PRKCH: variants seen among roughly 807,000 people sequenced by gnomAD.
The protein encoded by PRKCH is protein kinase C eta type.
In PRKCH, 28 loss-of-function variants were observed where a neutral mutation model predicts 82.5. That is an observed-to-expected ratio of 0.34 (90% CI 0.25 to 0.47). The LOEUF is 0.47. Ranked by LOEUF, PRKCH falls within the 20% of genes least tolerant of loss-of-function variation. The pLI is 1.00. For missense variants in PRKCH, 705 were observed against 881.8 expected, an observed-to-expected ratio of 0.80 and a Z score of 2.54; for synonymous variants, 322 against 327.4, an observed-to-expected ratio of 0.98 and a Z score of 0.18.
intron 2 of PRKCH, among the ~76,000 whole-genome samples, chr14:61,421,992 G>A (rs559767428): frequency 3.9e-5 from 6 of 152,324 alleles, no homozygotes; most frequent in Admixed American, 3.3e-4. Context: ...AGGGATGGAT[G>A]AGTGATAAGG....
At chr14:61,416,690 TC>T (rs1318520705) in intron 2 of PRKCH, among the ~76,000 whole-genome samples, 2 of 151,662 alleles carry the variant, frequency 1.3e-5, no homozygotes, top group African/African-American at 4.9e-5. Flanking sequence ...CCTGTCCCTT[TC>T]CCCCTCCCCC....
chr14:61,428,112 C>CACATAT lies in PRKCH; in HGVS notation c.428-14998_428-14997insCATATA, dbSNP rs1391102641. Reference sequence around the variant, plus strand: ...ACACACACACATATATATATACACACATATATATATATATATATATGTATC... The same window carrying CACATAT: ...ACACACACACATATATATATACACACACATATATATATATATATATATATATGTATC... On this transcript the variant is annotated intron_variant, in intron 2 of 13. Transcript: ENST00000332981. 6.2e-5 allele frequency among the ~76,000 whole-genome samples: 9 copies of CACATAT among 145,522 alleles called. 1 individual carries two copies. Among genetic ancestry groups the CACATAT allele is most frequent in the East Asian group, 6.1e-4 (3 of 4,908 alleles).
chr14:61,321,391 C>G (rs1316526868), upstream of PRKCH, among the ~76,000 whole-genome samples: 2 of 152,236 alleles, frequency 1.3e-5, no homozygotes, highest in Non-Finnish European at 2.9e-5. The surrounding 1 kb of genome is among the most constrained non-coding windows in gnomAD (Gnocchi z 4.1). Context: ...TTGGCCTGCG[C>G]CCGGGGTGGC....
At chr14:61,385,100 T>TC (rs1252327513) in intron 1 of PRKCH, among the ~76,000 whole-genome samples, 2 of 151,858 alleles carry the variant, frequency 1.3e-5, no homozygotes, top group African/African-American at 4.9e-5. Context: ...AGAGAAGTGG[T>TC]CTGTAGGGGA....
intron 1 of PRKCH, among the ~76,000 whole-genome samples, chr14:61,244,826 C>G (rs2044866949): frequency 6.6e-6 from 1 of 152,182 alleles, no homozygotes; most frequent in African/African-American, 2.4e-5. Context: ...CCGAATACAA[C>G]AAGAAGAAAC....
At chr14:61,253,170 TC>T (rs2044962054) in intron 1 of PRKCH, among the ~76,000 whole-genome samples, 1 of 152,242 alleles carries the variant, frequency 6.6e-6, no homozygotes, top group South Asian at 2.1e-4. Flanking sequence ...CTGTGCCATT[TC>T]TACAGCCCTT....
chr14:61,436,401 G>A (rs1242946700), intron 2 of PRKCH, among the ~76,000 whole-genome samples: 1 of 151,944 alleles, frequency 6.6e-6, no homozygotes, highest in Non-Finnish European at 1.5e-5. Context: ...GTGAGATCCG[G>A]GTCTAATACA....
intron 1 of PRKCH, among the ~76,000 whole-genome samples, chr14:61,340,966 A>G (rs1255550105): frequency 2.0e-5 from 3 of 152,110 alleles, no homozygotes; most frequent in African/African-American, 4.8e-5. Context: ...TTTTCCCCAC[A>G]ATTACCACAC....
intron 1 of PRKCH, among the ~76,000 whole-genome samples, chr14:61,266,682 T>G (rs2045104683): frequency 6.6e-6 from 1 of 152,204 alleles, no homozygotes; most frequent in Non-Finnish European, 1.5e-5. Context: ...GGAGAGGAAT[T>G]GTCTCACGAG....
chr14:61,349,687 C>A (rs1359350528), intron 1 of PRKCH, among the ~76,000 whole-genome samples: 2 of 152,000 alleles, frequency 1.3e-5, no homozygotes, highest in Non-Finnish European at 2.9e-5. Context: ...ATGGTGAAAC[C>A]CTGTCTCTAC....
At chr14:61,317,040 G>T (rs747653274), upstream of PRKCH, among the ~76,000 whole-genome samples, 6 of 152,216 alleles carry the variant, frequency 3.9e-5, no homozygotes, top group Non-Finnish European at 5.9e-5. Flanking sequence ...GCCTTTTGGG[G>T]TTTAAATACT....
chr14:61,225,336 A>G (rs998877670), intron 1 of PRKCH, among the ~76,000 whole-genome samples: 1 of 152,210 alleles, frequency 6.6e-6, no homozygotes, highest in African/African-American at 2.4e-5. Flanking sequence ...TAGGCTTGGG[A>G]AATTCATTTT....
At chr14:61,473,796 C>A (rs1444191862) in intron 9 of PRKCH, among the ~76,000 whole-genome samples, 1 of 152,082 alleles carries the variant, frequency 6.6e-6, no homozygotes, top group Non-Finnish European at 1.5e-5. Context: ...AGTTCGAGAC[C>A]AGCCTGGCCA....
chr14:61,194,170 A>G (rs2044426157), intron 1 of PRKCH, among the ~76,000 whole-genome samples: 4 of 152,220 alleles, frequency 2.6e-5, no homozygotes, highest in South Asian at 4.1e-4. Flanking sequence ...TGTGGTTACC[A>G]CAGAGATTAT....
At chr14:61,535,692 A>C (rs1478255996) in intron 12 of PRKCH, among the ~76,000 whole-genome samples, 1 of 152,252 alleles carries the variant, frequency 6.6e-6, no homozygotes, top group East Asian at 1.9e-4. Context: ...AATTCCAAGC[A>C]AGCATGAGTG....
At chr14:61,323,908 G>A (rs1015914312) in intron 1 of PRKCH, among the ~76,000 whole-genome samples, 6 of 152,238 alleles carry the variant, frequency 3.9e-5, no homozygotes, top group African/African-American at 1.4e-4. Flanking sequence ...GTCGGGCAAA[G>A]CTCTAGAGGA....
chr14:61,441,489 G>A (rs1366612598), intron 2 of PRKCH, among the ~76,000 whole-genome samples: 1 of 152,170 alleles, frequency 6.6e-6, no homozygotes, highest in African/African-American at 2.4e-5. Context: ...AGGTAAAAAT[G>A]TGATTTAGCT....
At chr14:61,538,843 G>T (rs76885636) in intron 12 of PRKCH, among the ~76,000 whole-genome samples, 5 of 152,166 alleles carry the variant, frequency 3.3e-5, no homozygotes, top group African/African-American at 1.2e-4. Context: ...AAGATAATGC[G>T]CATCCAGGAT....
intron 11 of PRKCH, among the ~76,000 whole-genome samples, chr14:61,529,732 A>C: frequency 8.7e-6 from 1 of 115,076 alleles, no homozygotes; most frequent in African/African-American, 3.3e-5. Context: ...AGGAAGGGGA[A>C]TATCACACTC....
Sources: allele counts gnomAD v4.1 joint callset (sites outside exome capture counted in the v4.1 genomes callset), GRCh38; gene constraint gnomAD v4.1.1; non-coding constraint Gnocchi (gnomAD v3.1); transcripts MANE v1.5; gene names NCBI Gene and HGNC (gene_info 2026-07-23, HGNC 2026-07-21).